The following KIRREL1 variants were observed in gnomAD, a reference collection of about 807,000 sequenced individuals.
The protein encoded by KIRREL1 is kirre like nephrin family adhesion molecule 1.
KIRREL1 carries 25 observed loss-of-function variants against 83.3 expected under a neutral mutation model. The ratio of observed to expected loss-of-function variants is 0.30; its 90% CI spans 0.22 to 0.42. The LOEUF (loss-of-function observed/expected upper bound fraction) is 0.42, where lower values mean the gene tolerates loss of function less well. KIRREL1 is among the 10% of genes least tolerant of loss of function. KIRREL1 has a pLI of 1.00. For missense variants in KIRREL1, 812 were observed against 1,032.3 expected (o/e 0.79, Z 2.92); for synonymous variants, 388 against 410.4 (o/e 0.95, Z 0.66).
intron 11 of KIRREL1, 80 bp from the exon 12 acceptor site, chr1:158,093,259 C>A: frequency 8.3e-7 from 1 of 1,205,058 alleles, no homozygotes; most frequent in Non-Finnish European, 1.2e-6. Context: ...GTGGCTGTGG[C>A]CTAGCCTTTA....
At chr1:158,035,206 G>C (rs374787296) in intron 1 of KIRREL1, among the ~76,000 whole-genome samples, 1 of 152,118 alleles carries the variant, frequency 6.6e-6, no homozygotes, top group Non-Finnish European at 1.5e-5. Context: ...CTTACCATCC[G>C]TCAGTTTCTT....
chr1:158,020,600 CAAAAAA>C (rs370156588), intron 1 of KIRREL1, among the ~76,000 whole-genome samples: 5 of 83,678 alleles, frequency 6.0e-5, no homozygotes, highest in African/African-American at 1.4e-4. Flanking sequence ...TACAGTAAAT[CAAAAAA>C]AAAAAAAAAA....
At chr1:158,010,320 A>C (rs1659634768) in intron 1 of KIRREL1, among the ~76,000 whole-genome samples, 1 of 120,924 alleles carries the variant, frequency 8.3e-6, no homozygotes, top group Non-Finnish European at 1.7e-5. Context: ...AGGAGTCCCC[A>C]CCATAAACAC....
chr1:158,093,016 A>G (rs1401801003), intron 11 of KIRREL1, among the ~76,000 whole-genome samples: 1 of 152,222 alleles, frequency 6.6e-6, no homozygotes, highest in African/African-American at 2.4e-5. Flanking sequence ...CAAGCATCAT[A>G]GTCAGGTGGG....
chr1:158,046,668 G>T (rs948858518), intron 1 of KIRREL1, among the ~76,000 whole-genome samples: 2 of 152,102 alleles, frequency 1.3e-5, no homozygotes, highest in Admixed American at 1.3e-4. Context: ...GTGGGGTCCT[G>T]CAAGACCAGG....
At chr1:158,038,485 CTTTTTTTTTT>C (rs11340189) in intron 1 of KIRREL1, among the ~76,000 whole-genome samples, 2 of 68,080 alleles carry the variant, frequency 2.9e-5, no homozygotes, top group Admixed American at 1.8e-4. Flanking sequence ...GGCTCTTCCT[CTTTTTTTTTT>C]TTTTTTTTTT....
rs772243443 is a variant in KIRREL1, at chr1:158,089,643, T to C, written c.1171+15T>C. On this transcript the variant is annotated intron_variant, in intron 9 of 14. Coordinates refer to ENST00000359209, the MANE Select transcript of KIRREL1 (RefSeq NM_018240.7). The stretch of plus-strand genomic sequence containing the variant: ...CTATGTGAACGGTGAGTGAGTGGCC[T>C]GAGAGGCAGCCGGGCCTGGGCGGGC... The C allele has an allele frequency of 1.2e-6, 2 of 1,613,226 alleles. No individual in the cohort carries two copies. The highest frequency in any genetic ancestry group is 8.5e-7 in the Non-Finnish European group (1 of 1,179,294).
chr1:158,023,003 T>C (rs982288874), intron 1 of KIRREL1, among the ~76,000 whole-genome samples: 2 of 152,202 alleles, frequency 1.3e-5, no homozygotes, highest in Non-Finnish European at 2.9e-5. Context: ...TGAAGTTCTT[T>C]TTGGAGGCCT....
At position 158,093,395 on chromosome 1, in the gene KIRREL1, ATCT is replaced by A. The variant is rs776539759; in HGVS notation, c.1537_1539del (p.Phe513del). 16 of 1,614,212 alleles carry A rather than the reference ATCT, an allele frequency of 9.9e-6. No individual in the cohort carries two copies. The highest frequency in any genetic ancestry group is 2.2e-5 in the East Asian group (1 of 44,878). On this transcript the variant is annotated inframe_deletion, in exon 12 of 15. Coordinates refer to ENST00000359209, the MANE Select transcript of KIRREL1 (RefSeq NM_018240.7). ...CACCATCGGCGCGAGCATCCTGCTCATCTTCTTCTTCATCGCCTTGGTATTCTT... is the reference window on the plus strand; with the variant it reads ...CACCATCGGCGCGAGCATCCTGCTCATCTTCTTCATCGCCTTGGTATTCTT...
intron 1 of KIRREL1, among the ~76,000 whole-genome samples, chr1:158,039,410 T>A (rs1455559378): frequency 6.6e-6 from 1 of 152,204 alleles, no homozygotes; most frequent in Non-Finnish European, 1.5e-5. Flanking sequence ...TTATGGCCCC[T>A]CATTCCCACC....
intron 1 of KIRREL1, among the ~76,000 whole-genome samples, chr1:158,026,100 A>G: frequency 6.6e-6 from 1 of 152,118 alleles, no homozygotes; most frequent in Non-Finnish European, 1.5e-5. Context: ...CTCTTGACTA[A>G]GTCATAAGAA....
chr1:158,001,771 G>A (rs1030784660), intron 1 of KIRREL1, among the ~76,000 whole-genome samples: 1 of 152,194 alleles, frequency 6.6e-6, no homozygotes, highest in Non-Finnish European at 1.5e-5. Context: ...GTTGGTTTGG[G>A]AGAAACAGAT....
intron 1 of KIRREL1, among the ~76,000 whole-genome samples, chr1:158,004,805 T>A (rs6427414): frequency 0.53 from 80,185 of 151,870 alleles, 21,489 homozygotes; most frequent in East Asian, 0.71. Context: ...TTAGCCAGGC[T>A]TGGTGATGTG....
chr1:158,083,934 T>A (rs905765507), intron 3 of KIRREL1, among the ~76,000 whole-genome samples: 1 of 151,992 alleles, frequency 6.6e-6, no homozygotes, highest in Non-Finnish European at 1.5e-5. Context: ...TCGAGACCAG[T>A]CTGGCCAACA....
At chr1:158,036,489 G>A (rs952225288) in intron 1 of KIRREL1, among the ~76,000 whole-genome samples, 3 of 152,130 alleles carry the variant, frequency 2.0e-5, no homozygotes, top group Admixed American at 1.3e-4. Context: ...TTACAAATGC[G>A]GAAAGGACAT....
In KIRREL1 at chr1:157,996,908, A is replaced by AGGC. The variant is rs549862656; in HGVS notation, c.52+3181_52+3183dup. On this transcript the variant is annotated intron_variant, in intron 1 of 14. Transcript: ENST00000359209. ...GCACCTGGTCAGGAGGAGGAGGAGG[A>AGGC]GGCATCCAGGCCTTCTCGCCTCTGC... Among the ~76,000 whole-genome samples the AGGC allele has an allele frequency of 8.6e-4, 131 of 152,232 alleles. 1 individual carries two copies. Among genetic ancestry groups the AGGC allele is most frequent in the Non-Finnish European group, 1.4e-3 (95 of 68,006 alleles).
chr1:158,007,872 C>T (rs1659563584), intron 1 of KIRREL1, among the ~76,000 whole-genome samples: 1 of 152,034 alleles, frequency 6.6e-6, no homozygotes, highest in Admixed American at 6.5e-5. Flanking sequence ...CTGTCCTTCC[C>T]TGTCTGTTGG....
intron 1 of KIRREL1, among the ~76,000 whole-genome samples, chr1:158,017,013 T>C (rs567708183): frequency 1.3e-5 from 2 of 152,282 alleles, no homozygotes; most frequent in South Asian, 4.1e-4. Context: ...AAGAAAAAAG[T>C]CGCCATGACA....
At chr1:158,089,433 G>A (rs756746595) in intron 8 of KIRREL1, 69 bp from the exon 9 acceptor site, 1 of 1,595,650 alleles carries the variant, frequency 6.3e-7, no homozygotes, top group South Asian at 1.1e-5. Context: ...TGCCTCCGAT[G>A]TGGGGCCCTC....
Sources: gnomAD v4.1 joint callset for allele counts (sites outside exome capture counted in the v4.1 genomes callset) on GRCh38, gnomAD v4.1.1 for gene constraint, MANE v1.5 for transcripts, NCBI Gene and HGNC (gene_info 2026-07-23, HGNC 2026-07-21) for gene names.